ARHGAP19: variants seen among roughly 807,000 people sequenced by gnomAD.
ARHGAP19 encodes the protein Rho GTPase activating protein 19, also known as rho GTPase-activating protein 19.
In ARHGAP19, 48 loss-of-function variants were observed where a neutral mutation model predicts 60.9. The ratio of observed to expected loss-of-function variants is 0.79; its 90% confidence interval spans 0.62 to 1.00. The LOEUF (loss-of-function observed/expected upper bound fraction) is 1.00. Ranked by LOEUF, ARHGAP19 falls within the 50% of genes least tolerant of loss-of-function variation. ARHGAP19 has a pLI of 0.00. For missense variants in ARHGAP19, 562 were observed against 597.2 expected, an observed-to-expected ratio of 0.94 and a Z score of 0.61; for synonymous variants, 209 against 215.5, an observed-to-expected ratio of 0.97 and a Z score of 0.27.
intron 1 of ARHGAP19, among the ~76,000 whole-genome samples, chr10:97,278,386 C>T (rs1034253301): frequency 6.6e-6 from 1 of 152,154 alleles, no homozygotes; most frequent in African/African-American, 2.4e-5. Context: ...ACATGCCAAA[C>T]GTAACTTTCT....
intron 1 of ARHGAP19, among the ~76,000 whole-genome samples, chr10:97,284,827 AAAAG>A (rs1843132251): frequency 6.6e-6 from 1 of 151,604 alleles, no homozygotes; most frequent in South Asian, 2.1e-4. Context: ...CTCTTAACAA[AAAAG>A]AAAGAAAGAA....
chr10:97,227,356 G>C (rs1373830927), intron 11 of ARHGAP19, among the ~76,000 whole-genome samples: 1 of 152,172 alleles, frequency 6.6e-6, no homozygotes, highest in Non-Finnish European at 1.5e-5. Flanking sequence ...TGCCAGGCTG[G>C]AAGTAGTTAT....
chr10:97,287,576 T>C (rs1843172440), intron 1 of ARHGAP19, among the ~76,000 whole-genome samples: 1 of 151,980 alleles, frequency 6.6e-6, no homozygotes, highest in Non-Finnish European at 1.5e-5. Flanking sequence ...ACTCAGTCTC[T>C]AGAATAAATT....
intron 5 of ARHGAP19, 133 bp downstream of exon 5, chr10:97,259,265 CTAAT>C: frequency 1.4e-6 from 1 of 690,662 alleles, no homozygotes; most frequent in Non-Finnish European, 2.5e-6. Context: ...CTTCAATGAA[CTAAT>C]AAAGTAAGTT....
intron 1 of ARHGAP19, among the ~76,000 whole-genome samples, chr10:97,290,586 T>C (rs1001267176): frequency 2.0e-5 from 3 of 152,090 alleles, no homozygotes; most frequent in Non-Finnish European, 4.4e-5. Flanking sequence ...CCCGCCATCA[T>C]CTTAGAAGCG....
chr10:97,239,379 C>T (rs974986467), intron 8 of ARHGAP19, among the ~76,000 whole-genome samples: 1 of 152,042 alleles, frequency 6.6e-6, no homozygotes, highest in African/African-American at 2.4e-5. Flanking sequence ...GCCTGTAGTC[C>T]CAGCTACTCT....
chr10:97,289,114 GC>G (rs1370725598), intron 1 of ARHGAP19, among the ~76,000 whole-genome samples: 5 of 135,734 alleles, frequency 3.7e-5, no homozygotes, highest in African/African-American at 5.6e-5. Flanking sequence ...ACCGTGCCCG[GC>G]TTTTTTTTTT....
chr10:97,285,347 T>A (rs920515751), intron 1 of ARHGAP19, among the ~76,000 whole-genome samples: 46 of 152,014 alleles, frequency 3.0e-4, no homozygotes, highest in Admixed American at 1.9e-3. Flanking sequence ...TTTTATTTAT[T>A]TTTTTTAACA....
At chr10:97,255,149 C>T (rs996046496) in intron 6 of ARHGAP19, among the ~76,000 whole-genome samples, 1 of 152,128 alleles carries the variant, frequency 6.6e-6, no homozygotes, top group African/African-American at 2.4e-5. Context: ...GCGATGATGG[C>T]TACACAACAA....
chr10:97,242,239 T>C (rs1264964714), intron 8 of ARHGAP19, among the ~76,000 whole-genome samples: 1 of 150,534 alleles, frequency 6.6e-6, no homozygotes, highest in Non-Finnish European at 1.5e-5. Flanking sequence ...AGTGATTTGC[T>C]TTCTTCTTAT....
At chr10:97,242,022 A>T (rs11595634) in intron 8 of ARHGAP19, among the ~76,000 whole-genome samples, 58,188 of 139,376 alleles carry the variant, frequency 0.42, 12,322 homozygotes, top group East Asian at 0.47. Context: ...AAAAAAAAAA[A>T]AATAATAATA....
intron 1 of ARHGAP19, among the ~76,000 whole-genome samples, chr10:97,284,762 C>T (rs1328469825): frequency 1.3e-5 from 2 of 151,670 alleles, no homozygotes; most frequent in Admixed American, 6.6e-5. Flanking sequence ...CCACCTCAGC[C>T]TCCCAAAGTG....
chr10:97,238,360 C>G (rs926507558), intron 8 of ARHGAP19, among the ~76,000 whole-genome samples: 1 of 152,174 alleles, frequency 6.6e-6, no homozygotes, highest in African/African-American at 2.4e-5. Flanking sequence ...GCTAGGACTA[C>G]AGGCACACAC....
chr10:97,283,941 T>G (rs1259384029), intron 1 of ARHGAP19, among the ~76,000 whole-genome samples: 1 of 151,836 alleles, frequency 6.6e-6, no homozygotes, highest in Non-Finnish European at 1.5e-5. Context: ...CCTTTTTTTT[T>G]CTTTTTTTTA....
intron 1 of ARHGAP19, among the ~76,000 whole-genome samples, chr10:97,282,911 C>T (rs1290722362): frequency 1.4e-4 from 21 of 145,114 alleles, no homozygotes; most frequent in Admixed American, 5.0e-4. Context: ...GGTGCGATCT[C>T]GGCTTACTGC....
chr10:97,291,114 T>C (rs1843225676), intron 1 of ARHGAP19, among the ~76,000 whole-genome samples: 1 of 152,012 alleles, frequency 6.6e-6, no homozygotes, highest in South Asian at 2.1e-4. Context: ...AAATAGCCAA[T>C]CATCTCTTGC....
chr10:97,241,836 C>T (rs1399251818), intron 8 of ARHGAP19, among the ~76,000 whole-genome samples: 10 of 151,874 alleles, frequency 6.6e-5, no homozygotes, highest in African/African-American at 2.2e-4. Flanking sequence ...GGTGAAACCC[C>T]GTTTCTACTA....
chr10:97,232,672 T>C (rs1851046671), intron 9 of ARHGAP19, among the ~76,000 whole-genome samples: 1 of 151,982 alleles, frequency 6.6e-6, no homozygotes, highest in South Asian at 2.1e-4. Flanking sequence ...GAGGTCAGGA[T>C]TGAGAGTGAA....
intron 8 of ARHGAP19, among the ~76,000 whole-genome samples, chr10:97,241,110 C>G (rs563472993): frequency 1.3e-5 from 2 of 151,142 alleles, no homozygotes; most frequent in South Asian, 4.2e-4. Context: ...CATTTGGGGT[C>G]AGGAGTTCAA....
Sources: allele counts gnomAD v4.1 joint callset (sites outside exome capture counted in the v4.1 genomes callset), GRCh38; gene constraint gnomAD v4.1.1; transcripts MANE v1.5; gene names NCBI Gene and HGNC (gene_info 2026-07-23, HGNC 2026-07-21).